KCNIP4: variants seen among roughly 807,000 people sequenced by gnomAD.
KCNIP4 encodes potassium voltage-gated channel interacting protein 4.
A neutral mutation model predicts 34.0 loss-of-function variants in KCNIP4; 12 were observed. The observed-to-expected ratio is 0.35, with a 90% confidence interval of 0.23 to 0.57. KCNIP4 has a LOEUF of 0.57. KCNIP4 is among the 20% of genes least tolerant of loss of function. The pLI is 0.83. For synonymous variants in KCNIP4, 124 were observed against 102.2 expected (o/e 1.21, Z -1.29); for missense variants, 238 against 311.7 (o/e 0.76, Z 1.78).
intron 3 of KCNIP4, among the ~76,000 whole-genome samples, chr4:20,787,067 C>T (rs993529732): frequency 1.3e-5 from 2 of 152,148 alleles, no homozygotes; most frequent in Non-Finnish European, 2.9e-5. Flanking sequence ...TCAACGTGGA[C>T]AGTCTTGGTC....
chr4:21,824,018 C>A (rs936131626), intron 1 of KCNIP4, among the ~76,000 whole-genome samples: 1 of 152,114 alleles, frequency 6.6e-6, no homozygotes, highest in Admixed American at 6.5e-5. Context: ...AGAGCTCGTG[C>A]AATGGGGCTT....
At chr4:21,729,899 T>C (rs1715464893) in intron 1 of KCNIP4, 1 of 152,152 alleles carries the variant, frequency 6.6e-6, no homozygotes, top group Non-Finnish European at 1.5e-5. Context: ...AAATCATAAA[T>C]CAGATATGAT....
chr4:21,082,219 C>G (rs995336036), intron 1 of KCNIP4, among the ~76,000 whole-genome samples: 1 of 151,694 alleles, frequency 6.6e-6, no homozygotes, highest in Non-Finnish European at 1.5e-5. Flanking sequence ...AGGAAAACAA[C>G]AGCTGATAGC....
intron 1 of KCNIP4, among the ~76,000 whole-genome samples, chr4:20,921,601 A>G (rs1729394023): frequency 6.6e-6 from 1 of 152,254 alleles, no homozygotes; most frequent in Non-Finnish European, 1.5e-5. Context: ...TTGAACATTT[A>G]TGAAATATCT....
chr4:21,582,032 G>GAATAGAATAGAATAGAATA (rs1560534549), intron 1 of KCNIP4: 1 of 53,592 alleles, frequency 1.9e-5, no homozygotes, highest in African/African-American at 7.2e-5. Context: ...AGAATAGAAT[G>GAATAGAATAGAATAGAATA]GAATGGAATG....
chr4:20,736,493 C>T (rs928651332), intron 5 of KCNIP4, among the ~76,000 whole-genome samples: 11 of 152,024 alleles, frequency 7.2e-5, no homozygotes, highest in African/African-American at 1.4e-4. Context: ...TGCTGACATA[C>T]GTTGGTTTTC....
At chr4:21,019,841 T>C (rs1468634443) in intron 1 of KCNIP4, among the ~76,000 whole-genome samples, 3 of 152,138 alleles carry the variant, frequency 2.0e-5, no homozygotes, top group Non-Finnish European at 4.4e-5. Context: ...TAGCATTATA[T>C]GATAAGGTTG....
intron 2 of KCNIP4, among the ~76,000 whole-genome samples, chr4:20,881,589 T>C (rs1381403706): frequency 6.6e-6 from 1 of 152,206 alleles, no homozygotes; most frequent in Non-Finnish European, 1.5e-5. Flanking sequence ...ATATAGCATC[T>C]TTATAAAATA....
chr4:21,715,376 C>T (rs568652009), intron 1 of KCNIP4, among the ~76,000 whole-genome samples: 23 of 152,050 alleles, frequency 1.5e-4, no homozygotes, highest in Non-Finnish European at 3.1e-4. Flanking sequence ...GTGATCCGCC[C>T]ACCTTGGCCT....
At chr4:21,476,539 C>A (rs62301283) in intron 1 of KCNIP4, among the ~76,000 whole-genome samples, 29,406 of 151,886 alleles carry the variant, frequency 0.19, 3,395 homozygotes, top group Non-Finnish European at 0.27. Flanking sequence ...CACCAGTTGG[C>A]CAGCACCTTG....
In KCNIP4 at chr4:21,701,553, A is replaced by T. The variant is rs560116505; in HGVS notation, c.61+247018T>A. Among the ~76,000 whole-genome samples, 4 of 152,290 alleles carry T rather than the reference A, an allele frequency of 2.6e-5. No individual in the cohort carries two copies. The East Asian group carries it at 7.7e-4, about 29-fold the overall frequency. ...AGTATTATTTGCCAATTAAAAACTT[A>T]AAAATATAAATAAATACAAATTAAT... On this transcript the variant is annotated intron_variant, in intron 1 of 8. Transcript: ENST00000382152.
chr4:21,148,753 T>C (rs1343576344), intron 1 of KCNIP4, among the ~76,000 whole-genome samples: 1 of 150,120 alleles, frequency 6.7e-6, no homozygotes, highest in Non-Finnish European at 1.5e-5. Flanking sequence ...TCACAGCAAA[T>C]AACAATTTAT....
intron 1 of KCNIP4, among the ~76,000 whole-genome samples, chr4:21,827,531 G>C (rs910837218): frequency 6.6e-6 from 1 of 151,966 alleles, no homozygotes; most frequent in Non-Finnish European, 1.5e-5. Context: ...GAAACTAATA[G>C]ATAATCAAGC....
At chr4:21,054,038 T>C (rs539409142) in intron 1 of KCNIP4, among the ~76,000 whole-genome samples, 1 of 152,128 alleles carries the variant, frequency 6.6e-6, no homozygotes, top group African/African-American at 2.4e-5. Context: ...AATGTAGATA[T>C]TGACAAAATG....
chr4:20,900,535 A>G (rs990306843), intron 1 of KCNIP4, among the ~76,000 whole-genome samples: 2 of 152,238 alleles, frequency 1.3e-5, no homozygotes, highest in Admixed American at 1.3e-4. Context: ...TCATAAATAA[A>G]TCATGACTTT....
intron 3 of KCNIP4, among the ~76,000 whole-genome samples, chr4:20,771,674 C>CTT (rs34800985): frequency 7.6e-5 from 11 of 145,486 alleles, no homozygotes; most frequent in South Asian, 2.2e-4. Context: ...ATAAAACTCA[C>CTT]TTTTTTTTTT....
intron 1 of KCNIP4, among the ~76,000 whole-genome samples, chr4:21,024,901 AT>A (rs1740389499): frequency 6.6e-6 from 1 of 152,188 alleles, no homozygotes; most frequent in South Asian, 2.1e-4. Context: ...CCTTCATCAA[AT>A]TTTTTTCATT....
At chr4:21,233,882 C>G (rs1375695023) in intron 1 of KCNIP4, among the ~76,000 whole-genome samples, 2 of 127,194 alleles carry the variant, frequency 1.6e-5, no homozygotes, top group Admixed American at 1.7e-4. Flanking sequence ...ATATCCATAA[C>G]TAATATATAT....
chr4:21,442,583 TCTC>T (rs1354738266), intron 1 of KCNIP4, among the ~76,000 whole-genome samples: 2 of 152,206 alleles, frequency 1.3e-5, no homozygotes, highest in Non-Finnish European at 2.9e-5. Context: ...ACCACTCTCT[TCTC>T]CTACAATTTG....
Sources: allele counts gnomAD v4.1 joint callset (sites outside exome capture counted in the v4.1 genomes callset), GRCh38; gene constraint gnomAD v4.1.1; transcripts MANE v1.5; gene names NCBI Gene and HGNC (gene_info 2026-07-23, HGNC 2026-07-21).